OSGEPL1: variants seen among roughly 807,000 people sequenced by gnomAD.
OSGEPL1 encodes the protein O-sialoglycoprotein endopeptidase like 1.
Under a neutral mutation model 37.2 loss-of-function variants are expected in OSGEPL1, and 26 were observed. The observed-to-expected ratio is 0.70, with a 90% CI of 0.51 to 0.97. The LOEUF (loss-of-function observed/expected upper bound fraction) is 0.97. Among genes scored for constraint, OSGEPL1 ranks in the 50% least tolerant of loss-of-function variants. OSGEPL1 has a pLI of 0.00. For synonymous variants in OSGEPL1, 140 were observed against 159.9 expected (o/e 0.88, Z 0.94); for missense variants, 404 against 487.0 (o/e 0.83, Z 1.60).
intron 1 of OSGEPL1, among the ~76,000 whole-genome samples, chr2:189,762,100 T>G (rs188907367): frequency 6.6e-6 from 1 of 152,304 alleles, no homozygotes; most frequent in East Asian, 1.9e-4. Context: ...AAAATAAAAC[T>G]GGATCATTTG....
At chr2:189,751,724 C>T (rs1382788199) in intron 7 of OSGEPL1, among the ~76,000 whole-genome samples, 4 of 151,628 alleles carry the variant, frequency 2.6e-5, no homozygotes, top group African/African-American at 9.7e-5. Flanking sequence ...GGATTACAGG[C>T]ATGAGCCACC....
At chr2:189,760,852 A>G (rs946409180) in intron 2 of OSGEPL1, among the ~76,000 whole-genome samples, 2 of 152,168 alleles carry the variant, frequency 1.3e-5, no homozygotes, top group African/African-American at 4.8e-5. Context: ...TAATAATCTA[A>G]TAACACAGGT....
chr2:189,750,100 C>G (rs183559823), intron 8 of OSGEPL1, among the ~76,000 whole-genome samples: 38 of 152,184 alleles, frequency 2.5e-4, no homozygotes, highest in Non-Finnish European at 4.1e-4. Context: ...GCAATCCAGC[C>G]TGGGTGACAG....
rs1198704679 is a variant in OSGEPL1, at chr2:189,755,516, T to C, written c.266A>G (p.Glu89Gly). The C allele has an allele frequency of 6.2e-7, 1 of 1,603,252 alleles. No individual in the cohort carries two copies. The highest frequency in any genetic ancestry group is 1.8e-5 in the Admixed American group (1 of 56,334). The change falls in exon 3 of 9, where the codon GAA (glutamate) becomes GGA (glycine). Residue 89 changes from glutamate to glycine, a missense_variant. Glu to Gly is a moderately conservative substitution (Grantham distance 98). Coordinates refer to ENST00000264151, the MANE Select transcript of OSGEPL1 (RefSeq NM_022353.3). ...TTCTTGTACTATTCGTTGAATATTT[T>C]CTCTGTGAAGCTGTTGAGCTGCTGG... ...VPPAAQQLHRENIQRIVQEAL... is the reference protein window; with the variant it reads ...VPPAAQQLHRGNIQRIVQEAL...
rs1202209493 is a variant in OSGEPL1, at chr2:189,747,153, T to C, written c.*44A>G. The C allele has an allele frequency of 1.3e-5, 2 of 152,448 alleles. No individual in the cohort carries two copies. Among genetic ancestry groups the C allele is most frequent in the African/African-American group, 4.8e-5 (2 of 41,356 alleles). The allele number at this position is 152,448 out of a possible 1,614,324, so 9.4% of individuals were successfully genotyped here. ...CAGTTCAGGACCAGCCCGGGCAACATGGCAAGAGCCTGTCTCTACAAAAAA... is the reference window on the plus strand; with the variant it reads ...CAGTTCAGGACCAGCCCGGGCAACACGGCAAGAGCCTGTCTCTACAAAAAA... On this transcript the variant is annotated 3_prime_UTR_variant, in exon 9 of 9. Coordinates refer to ENST00000264151, the MANE Select transcript of OSGEPL1 (RefSeq NM_022353.3).
intron 8 of OSGEPL1, among the ~76,000 whole-genome samples, chr2:189,749,367 C>G (rs994728197): frequency 6.9e-6 from 1 of 144,102 alleles, no homozygotes; most frequent in African/African-American, 2.6e-5. Flanking sequence ...CCTAGGAGTT[C>G]TACTCCAGCC....
intron 2 of OSGEPL1, among the ~76,000 whole-genome samples, chr2:189,760,113 T>C (rs2046779683): frequency 6.6e-6 from 1 of 152,190 alleles, no homozygotes; most frequent in South Asian, 2.1e-4. Flanking sequence ...GGCAGAAGGA[T>C]TTTTCTTAGT....
chr2:189,760,410 G>A (rs955738971), intron 2 of OSGEPL1, among the ~76,000 whole-genome samples: 10 of 152,278 alleles, frequency 6.6e-5, no homozygotes, highest in Admixed American at 2.0e-4. Context: ...CGGGGCGGCT[G>A]CTGGGCGGGG....
chr2:189,757,088 T>G (rs1162568086), intron 2 of OSGEPL1, among the ~76,000 whole-genome samples: 1 of 152,200 alleles, frequency 6.6e-6, no homozygotes, highest in Non-Finnish European at 1.5e-5. Flanking sequence ...TTTTTGTCTA[T>G]GATTTGTAGA....
At chr2:189,754,860 C>A (rs2045855859) in intron 3 of OSGEPL1, 2 of 324,918 alleles carry the variant, frequency 6.2e-6, no homozygotes, top group Non-Finnish European at 5.6e-6. Flanking sequence ...TCTTATTTTA[C>A]CTTTTTTGCA....
rs1352501233 is a variant in OSGEPL1 at position 189,750,607 on chromosome 2, T to C, written c.1216A>G (p.Lys406Glu). The change falls in exon 8 of 9, where the codon AAA becomes GAA. Residue 406 changes from lysine (K) to glutamate (E), a missense_variant. Transcript: ENST00000264151. ...ISKEVGEASI[K>E]VPQLKMEI is the part of the protein sequence containing the mutation. ...ATCTCCATTTTTAATTGTGGTACTTTTATGGAAGCTTCTCCAACTTCTTTT... is the reference window on the plus strand; with the variant it reads ...ATCTCCATTTTTAATTGTGGTACTTCTATGGAAGCTTCTCCAACTTCTTTT... 3 of 1,592,158 alleles carry C rather than the reference T, an allele frequency of 1.9e-6. No homozygotes were observed. The Admixed American group carries it at 5.3e-5, about 28-fold the overall frequency.
chr2:189,762,912 G>T, upstream of OSGEPL1: 2 of 985,396 alleles, frequency 2.0e-6, no homozygotes, highest in South Asian at 9.4e-5. Flanking sequence ...GTGCGCACCT[G>T]CATTTCCCCC....
intron 8 of OSGEPL1, among the ~76,000 whole-genome samples, chr2:189,748,564 A>G (rs945993234): frequency 2.0e-5 from 3 of 152,226 alleles, no homozygotes; most frequent in African/African-American, 7.2e-5. Flanking sequence ...CTTCATATTT[A>G]CTTCTAAATT....
chr2:189,754,503 G>A, intron 3 of OSGEPL1, 158 bp from the exon 4 acceptor site: 1 of 656,494 alleles, frequency 1.5e-6, no homozygotes, highest in Non-Finnish European at 2.5e-6. Flanking sequence ...TGATATTCAG[G>A]TAAGCAGACA....
At chr2:189,758,079 G>C (rs2046352067) in intron 2 of OSGEPL1, among the ~76,000 whole-genome samples, 1 of 152,066 alleles carries the variant, frequency 6.6e-6, no homozygotes, top group Non-Finnish European at 1.5e-5. Context: ...GTTCTCATGA[G>C]ATCTTGTTGT....
intron 8 of OSGEPL1, among the ~76,000 whole-genome samples, chr2:189,749,637 A>C (rs2044798275): frequency 6.6e-6 from 1 of 152,214 alleles, no homozygotes; most frequent in African/African-American, 2.4e-5. Context: ...GGACAACTAA[A>C]GCGTACAATA....
In OSGEPL1 at chr2:189,752,093, G is replaced by A. The variant is rs185326222; in HGVS notation, c.1166+560C>T. ...TGGGAAGCAGAGGTTGCAGTGAGCC[G>A]AGAATGCGCCACTGCACTCTAGCCT... is the stretch of plus-strand genomic sequence containing the variant. On this transcript the variant is annotated intron_variant, in intron 7 of 8. Transcript: ENST00000264151. 5.9e-5 allele frequency among the ~76,000 whole-genome samples: 9 copies of A among 151,678 alleles called. No homozygotes were observed. The East Asian group carries it at 1.2e-3, about 20-fold the overall frequency.
In OSGEPL1 at chr2:189,761,446, T is replaced by G. The variant is rs768770869; in HGVS notation, c.195A>C (p.Ile65=). 3.7e-6 allele frequency: 6 copies of G among 1,608,986 alleles called. No homozygotes were observed. Among genetic ancestry groups the G allele is most frequent in the African/African-American group, 2.7e-5 (2 of 74,838 alleles). Residue 65 remains isoleucine (I), a synonymous_variant, in exon 2 of 9, where the codon ATA becomes ATC. Coordinates refer to ENST00000264151, the MANE Select transcript of OSGEPL1 (RefSeq NM_022353.3). ...DETGNVLGEA[I]HSQTEVHLKT... ...TTAAATGAACTTCAGTTTGGGAATG[T>G]ATTGCTTCTCCCAACACATTTCCAG...
At chr2:189,759,253 CTTTTTTT>C (rs111345865) in intron 2 of OSGEPL1, among the ~76,000 whole-genome samples, 2 of 144,570 alleles carry the variant, frequency 1.4e-5, no homozygotes, top group African/African-American at 5.1e-5. Flanking sequence ...GTTAATTTTC[CTTTTTTT>C]TTTTTTGAGA....
Sources: gnomAD v4.1 joint callset for allele counts (sites outside exome capture counted in the v4.1 genomes callset) on GRCh38, gnomAD v4.1.1 for gene constraint, MANE v1.5 for transcripts, NCBI Gene and HGNC (gene_info 2026-07-23, HGNC 2026-07-21) for gene names.